PILRA: variants seen among roughly 807,000 people sequenced by gnomAD.
PILRA encodes the protein paired immunoglobulin-like type 2 receptor alpha.
A neutral mutation model predicts 33.1 loss-of-function variants in PILRA; 37 were observed. The ratio of observed to expected loss-of-function variants is 1.12; its 90% CI spans 0.86 to 1.47. The LOEUF is 1.47. PILRA is among the 40% of genes most tolerant of loss of function. PILRA has a pLI of 0.00. For missense variants in PILRA, 312 were observed against 376.2 expected (o/e 0.83, Z 1.41); for synonymous variants, 146 against 149.9 (o/e 0.97, Z 0.19).
In PILRA at chr7:100,374,360, T is replaced by G. The variant is rs769116330; in HGVS notation, c.381T>G (p.Val127=). ...KQDQSVYFCR[V]ELDTRSSGRQ... is the part of the protein sequence containing the mutation. Reference sequence around the variant, plus strand: ...ACCAGTCTGTGTATTTCTGCCGAGTTGAGCTGGACACACGGAGCTCAGGGA... The same window carrying G: ...ACCAGTCTGTGTATTTCTGCCGAGTGGAGCTGGACACACGGAGCTCAGGGA... Residue 127 remains valine (V), a synonymous_variant, in exon 2 of 7, where the codon GTT becomes GTG. Transcript: ENST00000198536. 8 of 1,613,976 alleles carry G rather than the reference T, an allele frequency of 5.0e-6. No individual in the cohort carries two copies. The African/African-American group carries it at 8.0e-5, about 16-fold the overall frequency.
intron 3 of PILRA, among the ~76,000 whole-genome samples, chr7:100,396,147 A>ATAAT (rs1478350020): frequency 2.0e-5 from 3 of 151,986 alleles, no homozygotes; most frequent in African/African-American, 4.8e-5. Context: ...AAATAAATAA[A>ATAAT]TAAAGCTACC....
chr7:100,389,914 A>C lies in PILRA; in HGVS notation c.481A>C (p.Ser161Arg), dbSNP rs781290076. 3.7e-6 allele frequency: 6 copies of C among 1,613,700 alleles called. No homozygotes were observed. The South Asian group carries it at 5.5e-5, about 15-fold the overall frequency. The part of the protein sequence containing the change: ...QAVTTTTQRP[S>R]SMTTTWRLSS... ...TGTCACGACCACCACCCAGAGGCCC[A>C]GCAGCATGACTACCACCTGGAGGCT... The change falls in exon 3 of 7, where the codon AGC becomes CGC. Residue 161 changes from serine to arginine, a missense_variant. Physicochemically the swap from Ser to Arg is moderately radical, Grantham distance 110. Transcript: ENST00000198536.
At chr7:100,398,267 T>C (rs1251719626) in intron 4 of PILRA, among the ~76,000 whole-genome samples, 1 of 152,178 alleles carries the variant, frequency 6.6e-6, no homozygotes, top group Non-Finnish European at 1.5e-5. Context: ...AGCTTTTCCA[T>C]ATTGCCTACT....
At chr7:100,378,106 T>C (rs1421765098) in intron 2 of PILRA, among the ~76,000 whole-genome samples, 2 of 152,012 alleles carry the variant, frequency 1.3e-5, no homozygotes, top group African/African-American at 4.8e-5. Context: ...CCCAGCACTT[T>C]GGGAGGCTGA....
intron 3 of PILRA, among the ~76,000 whole-genome samples, chr7:100,397,417 A>G (rs1005711643): frequency 6.6e-6 from 1 of 151,498 alleles, no homozygotes; most frequent in African/African-American, 2.4e-5. Flanking sequence ...TTGAACAGCC[A>G]CAAACATGAG....
At chr7:100,382,006 C>T (rs896234932) in intron 2 of PILRA, among the ~76,000 whole-genome samples, 3 of 144,404 alleles carry the variant, frequency 2.1e-5, no homozygotes, top group Non-Finnish European at 4.6e-5. Flanking sequence ...TCCCCACCCC[C>T]ACCCCCACCC....
At chr7:100,395,733 G>C (rs1197874334) in intron 3 of PILRA, among the ~76,000 whole-genome samples, 1 of 152,116 alleles carries the variant, frequency 6.6e-6, no homozygotes, top group Non-Finnish European at 1.5e-5. Context: ...GACAAGTGTT[G>C]GGAAGAATGT....
At chr7:100,374,641 C>A (rs1486282498) in intron 2 of PILRA, 9 of 634,220 alleles carry the variant, frequency 1.4e-5, no homozygotes, top group South Asian at 5.4e-5. Context: ...CCCCAACCAT[C>A]CCCCTCACTG....
At chr7:100,391,773 G>A (rs1297083964) in intron 3 of PILRA, among the ~76,000 whole-genome samples, 1 of 152,176 alleles carries the variant, frequency 6.6e-6, no homozygotes, top group East Asian at 1.9e-4. Context: ...AGTGGATGAG[G>A]CTGTAATGAA....
At position 100,378,482 on chromosome 7, in the gene PILRA, GTTGCAT is replaced by G. The variant is rs528067227; in HGVS notation, c.454+4051_454+4056del. On this transcript the variant is annotated intron_variant, in intron 2 of 6. Transcript: ENST00000198536. ...AAAAACACAACACTCTTTTAAGTCA[GTTGCAT>G]TAAACCTATTATGCAATTGACAGAA... Among the ~76,000 whole-genome samples the G allele has an allele frequency of 4.6e-3, 696 of 152,302 alleles. 6 individuals are homozygous for G. Among genetic ancestry groups the G allele is most frequent in the African/African-American group, 0.016 (656 of 41,554 alleles).
At chr7:100,381,205 G>T (rs1189837349) in intron 2 of PILRA, among the ~76,000 whole-genome samples, 2 of 152,114 alleles carry the variant, frequency 1.3e-5, no homozygotes, top group Non-Finnish European at 2.9e-5. Context: ...GGCAGAGCTT[G>T]CAGTGAGCCG....
At position 100,382,818 on chromosome 7, in the gene PILRA, C is replaced by G. The variant is rs551288082; in HGVS notation, c.455-7070C>G. Among the ~76,000 whole-genome samples the G allele has an allele frequency of 5.9e-5, 9 of 152,258 alleles. No homozygotes were observed. The South Asian group carries it at 1.9e-3, about 32-fold the overall frequency. The stretch of plus-strand genomic sequence containing the variant: ...CACCGTGAAGGTTTGTAGCTTCACT[C>G]TGGAAGCCAGCGAGACCACGAACCC... On this transcript the variant is annotated intron_variant, in intron 2 of 6. Transcript: ENST00000198536.
At chr7:100,380,185 C>T (rs1421241426) in intron 2 of PILRA, among the ~76,000 whole-genome samples, 2 of 152,174 alleles carry the variant, frequency 1.3e-5, no homozygotes, top group Admixed American at 6.5e-5. Flanking sequence ...GTCCTCATAC[C>T]GAATCCCCCA....
chr7:100,375,730 T>TCAAACAAATAAACAAA (rs148895603), intron 2 of PILRA, among the ~76,000 whole-genome samples: 35 of 151,746 alleles, frequency 2.3e-4, no homozygotes, highest in African/African-American at 8.5e-4. Context: ...AGACTCCGCC[T>TCAAACAAATAAACAAA]CAAACAAACA....
intron 2 of PILRA, among the ~76,000 whole-genome samples, chr7:100,377,980 G>T (rs1790993582): frequency 6.6e-6 from 1 of 152,070 alleles, no homozygotes; most frequent in South Asian, 2.1e-4. Flanking sequence ...CAGCACACAG[G>T]TTTAGTGATT....
chr7:100,373,352 C>G (rs1375684559), upstream of PILRA: 1 of 551,058 alleles, frequency 1.8e-6, no homozygotes, highest in South Asian at 2.3e-5. Context: ...GCCCAGCCCC[C>G]CAAGGTCAGG....
intron 3 of PILRA, among the ~76,000 whole-genome samples, chr7:100,393,925 C>T (rs7803454): frequency 0.14 from 21,748 of 152,180 alleles, 1,913 homozygotes; most frequent in Non-Finnish European, 0.19. Context: ...GCCCTCTCCA[C>T]ACAGCCGATC....
At chr7:100,372,361 A>AC (rs991781570), upstream of PILRA, among the ~76,000 whole-genome samples, 20 of 152,242 alleles carry the variant, frequency 1.3e-4, no homozygotes, top group East Asian at 3.7e-3. Context: ...GGACCAGGGA[A>AC]GAGACTAAGA....
chr7:100,371,517 G>T (rs913428023), upstream of PILRA, among the ~76,000 whole-genome samples: 1 of 152,126 alleles, frequency 6.6e-6, no homozygotes. Flanking sequence ...GGCCAGTGAG[G>T]ACAGTAGGAT....
Sources: allele counts gnomAD v4.1 joint callset (sites outside exome capture counted in the v4.1 genomes callset), GRCh38; gene constraint gnomAD v4.1.1; transcripts MANE v1.5; gene names NCBI Gene and HGNC (gene_info 2026-07-23, HGNC 2026-07-21).